The following ATP10A variants were observed in gnomAD, a reference collection of about 807,000 sequenced individuals.
ATP10A encodes ATPase phospholipid transporting 10A (putative).
Under a neutral mutation model 147.8 loss-of-function variants are expected in ATP10A, and 111 were observed. The ratio of observed to expected loss-of-function variants is 0.75; its 90% CI spans 0.64 to 0.88. The LOEUF (loss-of-function observed/expected upper bound fraction) is 0.88. ATP10A is among the 40% of genes least tolerant of loss of function. The pLI is 0.00. For missense variants in ATP10A, 1,927 were observed against 1,959.0 expected, an observed-to-expected ratio of 0.98 and a Z score of 0.31; for synonymous variants, 875 against 841.6, an observed-to-expected ratio of 1.04 and a Z score of -0.69.
intron 2 of ATP10A, among the ~76,000 whole-genome samples, chr15:25,756,786 C>G (rs977585106): frequency 1.3e-5 from 2 of 152,198 alleles, no homozygotes; most frequent in Non-Finnish European, 1.5e-5. Flanking sequence ...TTTAATGTTG[C>G]TGGTTTAATG....
At chr15:25,674,612 C>A (rs1596664739), downstream of ATP10A, among the ~76,000 whole-genome samples, 1 of 152,196 alleles carries the variant, frequency 6.6e-6, no homozygotes, top group Admixed American at 6.5e-5. Flanking sequence ...CTGTCCAGAA[C>A]ATTTTTGCAT....
chr15:25,673,482 C>G (rs1899080981), downstream of ATP10A, among the ~76,000 whole-genome samples: 1 of 152,226 alleles, frequency 6.6e-6, no homozygotes, highest in Admixed American at 6.5e-5. Flanking sequence ...TTTCAAACTA[C>G]TCTAATGTGT....
chr15:25,838,118 G>A (rs1341047102), intron 1 of ATP10A, among the ~76,000 whole-genome samples: 1 of 152,230 alleles, frequency 6.6e-6, no homozygotes, highest in African/African-American at 2.4e-5. Context: ...GAGCAATGAT[G>A]ATGAAAGGTA....
chr15:25,695,400 G>A (rs542443366), intron 13 of ATP10A, among the ~76,000 whole-genome samples: 13 of 152,078 alleles, frequency 8.5e-5, no homozygotes, highest in Middle Eastern at 3.2e-3. Context: ...AGGCCGAGGC[G>A]GGTGGATCAC....
chr15:25,733,558 C>G (rs1057231451), intron 3 of ATP10A, among the ~76,000 whole-genome samples: 8 of 152,202 alleles, frequency 5.3e-5, no homozygotes, highest in East Asian at 1.9e-4. Flanking sequence ...GCTGCTCCAC[C>G]CCCAGAGGCC....
At chr15:25,769,743 A>T (rs1889237533) in intron 2 of ATP10A, among the ~76,000 whole-genome samples, 1 of 152,104 alleles carries the variant, frequency 6.6e-6, no homozygotes, top group Non-Finnish European at 1.5e-5. Context: ...ACCATCCAGG[A>T]ATGGCGGTTA....
chr15:25,785,186 A>G (rs8025388), intron 1 of ATP10A, among the ~76,000 whole-genome samples: 11,578 of 152,088 alleles, frequency 0.076, 1,396 homozygotes, highest in African/African-American at 0.26. Context: ...AGCCTTTCCT[A>G]ATGTCCCCTG....
intron 2 of ATP10A, among the ~76,000 whole-genome samples, chr15:25,737,606 G>A (rs923582728): frequency 6.6e-6 from 1 of 152,112 alleles, no homozygotes; most frequent in African/African-American, 2.4e-5. Flanking sequence ...TTCTGGAACT[G>A]GGGAGGATTT....
At chr15:25,737,990 C>T (rs1377812692) in intron 2 of ATP10A, among the ~76,000 whole-genome samples, 2 of 152,198 alleles carry the variant, frequency 1.3e-5, no homozygotes, top group East Asian at 1.9e-4. Flanking sequence ...GCTTAAGCAG[C>T]CCAGTCTGCG....
At chr15:25,705,934 CAG>C (rs1288910283) in intron 12 of ATP10A, among the ~76,000 whole-genome samples, 1 of 152,218 alleles carries the variant, frequency 6.6e-6, no homozygotes, top group Non-Finnish European at 1.5e-5. Context: ...TGACACATCT[CAG>C]AGCCATCCTC....
At chr15:25,782,331 C>T (rs776551311) in intron 1 of ATP10A, among the ~76,000 whole-genome samples, 14 of 152,204 alleles carry the variant, frequency 9.2e-5, no homozygotes, top group South Asian at 2.1e-4. Flanking sequence ...TTTGGAAATA[C>T]GTAGTAGTGA....
At chr15:25,841,151 T>C (rs558564643) in intron 1 of ATP10A, among the ~76,000 whole-genome samples, 1 of 152,376 alleles carries the variant, frequency 6.6e-6, no homozygotes, top group African/African-American at 2.4e-5. Context: ...GTGTCAAGTC[T>C]ATGAATTCTT....
chr15:25,798,536 C>T (rs544506464), intron 1 of ATP10A, among the ~76,000 whole-genome samples: 1 of 152,324 alleles, frequency 6.6e-6, no homozygotes, highest in South Asian at 2.1e-4. Context: ...AATTAAATGA[C>T]CCTGCAATAG....
chr15:25,697,920 AG>A (rs1391775304), intron 13 of ATP10A, among the ~76,000 whole-genome samples: 8 of 152,234 alleles, frequency 5.3e-5, no homozygotes, highest in African/African-American at 1.9e-4. Flanking sequence ...TTTAGTGATA[AG>A]AAAAACATCA....
intron 2 of ATP10A, among the ~76,000 whole-genome samples, chr15:25,766,866 G>C (rs1889049636): frequency 6.6e-6 from 1 of 151,164 alleles, no homozygotes; most frequent in African/African-American, 2.4e-5. Context: ...ACTCTAATCG[G>C]GGTTTTGTCC....
chr15:25,741,550 T>C (rs939248936), intron 2 of ATP10A, among the ~76,000 whole-genome samples: 4 of 152,230 alleles, frequency 2.6e-5, no homozygotes, highest in African/African-American at 9.6e-5. Context: ...TAACCCAAAT[T>C]AATGGAATAA....
intron 16 of ATP10A, among the ~76,000 whole-genome samples, chr15:25,685,290 G>A (rs1458699412): frequency 6.6e-6 from 1 of 152,052 alleles, no homozygotes; most frequent in Non-Finnish European, 1.5e-5. Flanking sequence ...TGTTAACAAA[G>A]GCCTGGCATT....
At chr15:25,812,046 C>T (rs1055486732) in intron 1 of ATP10A, among the ~76,000 whole-genome samples, 58 of 152,230 alleles carry the variant, frequency 3.8e-4, no homozygotes, top group Admixed American at 3.4e-3. Context: ...CCCTACATGG[C>T]GCAAACACGC....
At chr15:25,785,666 G>A (rs186855640) in intron 1 of ATP10A, among the ~76,000 whole-genome samples, 2 of 152,224 alleles carry the variant, frequency 1.3e-5, no homozygotes, top group South Asian at 2.1e-4. Flanking sequence ...GACAGAAATC[G>A]AGCCCACTGG....
Sources: allele counts gnomAD v4.1 joint callset (sites outside exome capture counted in the v4.1 genomes callset), GRCh38; gene constraint gnomAD v4.1.1; transcripts MANE v1.5; gene names NCBI Gene and HGNC (gene_info 2026-07-23, HGNC 2026-07-21).